ATRX: variants seen among roughly 807,000 people sequenced by gnomAD.
The protein encoded by ATRX is ATRX chromatin remodeler, also known as chromatin remodeler ATRX.
In ATRX, 12 loss-of-function variants were observed where a neutral mutation model predicts 172.6. That is an observed-to-expected ratio of 0.07 (90% CI 0.04 to 0.11). The LOEUF (loss-of-function observed/expected upper bound fraction) is 0.11, where lower values mean the gene tolerates loss of function less well. ATRX is among the 10% of genes least tolerant of loss of function. The pLI, the probability that ATRX is intolerant of heterozygous loss-of-function variation, is 1.00. For synonymous variants in ATRX, 674 were observed against 594.7 expected, an observed-to-expected ratio of 1.13 and a Z score of -1.94; for missense variants, 1,368 against 1,767.4, an observed-to-expected ratio of 0.77 and a Z score of 4.05.
At chrX:77,605,862 T>A (rs1378066772) in intron 22 of ATRX, among the ~76,000 whole-genome samples, 1 of 110,850 alleles carries the variant, frequency 9.0e-6, no homozygotes, top group African/African-American at 3.3e-5. Context: ...AGACTACTTA[T>A]GAAAAAAAAG....
chrX:77,678,627 C>T lies in ATRX; in HGVS notation c.3737-2329G>A, dbSNP rs782149346. On this transcript the variant is annotated intron_variant, in intron 9 of 34. Coordinates refer to ENST00000373344, the MANE Select transcript of ATRX (RefSeq NM_000489.6). Reference sequence around the variant, plus strand: ...TCAGCCTCCCAAGTAGCTGGGATTACAGGTGTGCGCCACTACACCTGGCTA... The same window carrying T: ...TCAGCCTCCCAAGTAGCTGGGATTATAGGTGTGCGCCACTACACCTGGCTA... 8.1e-5 allele frequency among the ~76,000 whole-genome samples: 9 copies of T among 111,282 alleles called. No homozygotes were observed. The South Asian group carries it at 3.4e-3, about 43-fold the overall frequency.
intron 22 of ATRX, among the ~76,000 whole-genome samples, chrX:77,611,023 A>G (rs1557093723): frequency 9.1e-6 from 1 of 110,004 alleles, no homozygotes; most frequent in African/African-American, 3.3e-5. Context: ...TGTTTATGAC[A>G]TTTAAGTGTC....
At chrX:77,579,299 G>A (rs1216937251) in intron 27 of ATRX, among the ~76,000 whole-genome samples, 2 of 112,120 alleles carry the variant, frequency 1.8e-5, no homozygotes, top group Admixed American at 1.9e-4. Flanking sequence ...AGCAAACATA[G>A]GCAGTAACCA....
At chrX:77,645,657 T>C (rs1457872501) in intron 15 of ATRX, among the ~76,000 whole-genome samples, 10 of 112,333 alleles carry the variant, frequency 8.9e-5, no homozygotes, top group Non-Finnish European at 1.7e-4. Flanking sequence ...GGGGCAAATA[T>C]AAAACCTAGT....
intron 23 of ATRX, 32 bp downstream of exon 23, chrX:77,600,402 T>C (rs2066631811): frequency 8.3e-7 from 1 of 1,206,204 alleles, no homozygotes; most frequent in Non-Finnish European, 1.1e-6. Context: ...CTGCTTCCAA[T>C]AGATGCTTTT....
intron 19 of ATRX, among the ~76,000 whole-genome samples, chrX:77,631,013 T>C (rs1439506729): frequency 9.0e-6 from 1 of 110,639 alleles, no homozygotes; most frequent in Non-Finnish European, 1.9e-5. Flanking sequence ...CAATTTTCAG[T>C]AAAAGGAACC....
At chrX:77,646,609 T>C (rs1343046582) in intron 15 of ATRX, among the ~76,000 whole-genome samples, 1 of 111,185 alleles carries the variant, frequency 9.0e-6, no homozygotes. Context: ...TAAGGAAATA[T>C]AGGACTCGAA....
At chrX:77,554,802 T>C (rs2064708417) in intron 30 of ATRX, among the ~76,000 whole-genome samples, 1 of 112,278 alleles carries the variant, frequency 8.9e-6, no homozygotes, top group South Asian at 3.7e-4. Flanking sequence ...TTCTTTCCCT[T>C]TTAAGAATGT....
intron 9 of ATRX, among the ~76,000 whole-genome samples, chrX:77,680,690 T>C (rs2071137521): frequency 8.9e-6 from 1 of 111,738 alleles, no homozygotes; most frequent in Non-Finnish European, 1.9e-5. Flanking sequence ...AAACCCACTT[T>C]ATAAACATTT....
At chrX:77,522,434 T>G (rs782011442) in intron 31 of ATRX, 46 bp from the exon 32 acceptor site, 1 of 1,179,147 alleles carries the variant, frequency 8.5e-7, no homozygotes, top group South Asian at 1.8e-5. Context: ...GATTTAAAAC[T>G]TGAAATTCTA....
rs139376742 is a variant in ATRX, at chrX:77,682,481, A to G, written c.2775T>C (p.Ser925=). Residue 925 remains serine (S), a synonymous_variant, in exon 9 of 35, where the codon TCT becomes TCC. Coordinates refer to ENST00000373344, the MANE Select transcript of ATRX (RefSeq NM_000489.6). ...SASTDGVDKL[S]GKEESFTSLE... ...AAGAAGTAAAACTCTCCTCTTTCCC[A>G]GAAAGCTTATCGACACCATCAGTGG... 2 of 1,209,644 alleles carry G rather than the reference A, an allele frequency of 1.7e-6. No homozygotes were observed. Among genetic ancestry groups the G allele is most frequent in the Non-Finnish European group, 2.2e-6 (2 of 895,061 alleles).
intron 1 of ATRX, among the ~76,000 whole-genome samples, chrX:77,747,934 T>C (rs1021548060): frequency 1.8e-5 from 2 of 111,978 alleles, no homozygotes; most frequent in Non-Finnish European, 3.8e-5. Context: ...TATATATTAT[T>C]ATGCAAAGAA....
intron 15 of ATRX, among the ~76,000 whole-genome samples, chrX:77,637,939 CAAA>C (rs373944111): frequency 7.0e-5 from 3 of 42,843 alleles, no homozygotes; most frequent in South Asian, 3.4e-3. Flanking sequence ...AGCTCCATCT[CAAA>C]AAAAAAAAAA....
chrX:77,571,315 A>G (rs2065403573), intron 28 of ATRX, among the ~76,000 whole-genome samples: 1 of 112,031 alleles, frequency 8.9e-6, no homozygotes, highest in Non-Finnish European at 1.9e-5. Context: ...ATGTCCTGCA[A>G]TAAGTGAATG....
In ATRX at chrX:77,682,804, C is replaced by G. The variant is rs2148597464; in HGVS notation, c.2452G>C (p.Asp818His). Residue 818 changes from aspartate to histidine, a missense_variant, in exon 9 of 35, where the codon GAC becomes CAC. Coordinates refer to ENST00000373344, the MANE Select transcript of ATRX (RefSeq NM_000489.6). ...TTTATCTCTTTTTCTAATTCTGAGTCATAATTAGAAGACTCAGACTGGGTT... is the reference window on the plus strand; with the variant it reads ...TTTATCTCTTTTTCTAATTCTGAGTGATAATTAGAAGACTCAGACTGGGTT... ...RQTQSESSNY[D>H]SELEKEIKSM... 8.3e-7 allele frequency: 1 copy of G among 1,210,131 alleles called. No homozygotes were observed. The highest frequency in any genetic ancestry group is 1.8e-5 in the South Asian group (1 of 56,547).
At chrX:77,536,683 G>C (rs1373243527) in intron 30 of ATRX, among the ~76,000 whole-genome samples, 1 of 112,017 alleles carries the variant, frequency 8.9e-6, no homozygotes, top group African/African-American at 3.2e-5. Flanking sequence ...TTGTTTCCCA[G>C]GTTTCTCTCT....
intron 1 of ATRX, among the ~76,000 whole-genome samples, chrX:77,739,844 T>A (rs1397492296): frequency 9.2e-6 from 1 of 108,188 alleles, no homozygotes; most frequent in African/African-American, 3.4e-5. Flanking sequence ...GAGGTCAGGA[T>A]TTCAAGACCA....
intron 30 of ATRX, among the ~76,000 whole-genome samples, chrX:77,530,637 C>CA (rs1257739771): frequency 9.1e-6 from 1 of 109,470 alleles, no homozygotes; most frequent in South Asian, 3.9e-4. Context: ...AACAAACAAA[C>CA]AAAACAAAAC....
intron 27 of ATRX, among the ~76,000 whole-genome samples, chrX:77,588,988 T>A: frequency 8.9e-6 from 1 of 112,333 alleles, no homozygotes; most frequent in South Asian, 3.6e-4. Context: ...TTGACAAGAA[T>A]GTGGAGAAAC....
Sources: allele counts gnomAD v4.1 joint callset (sites outside exome capture counted in the v4.1 genomes callset), GRCh38; gene constraint gnomAD v4.1.1; transcripts MANE v1.5; gene names NCBI Gene and HGNC (gene_info 2026-07-23, HGNC 2026-07-21).